The following AFDN variants were observed in gnomAD, a reference collection of about 807,000 sequenced individuals.
The protein encoded by AFDN is afadin, adherens junction formation factor, also known as afadin.
A neutral mutation model predicts 216.6 loss-of-function variants in AFDN; 68 were observed. That is an observed-to-expected ratio of 0.31 (90% confidence interval 0.26 to 0.38). The LOEUF (loss-of-function observed/expected upper bound fraction) is 0.38. AFDN is among the 10% of genes least tolerant of loss of function. The pLI, the probability that AFDN is intolerant of heterozygous loss-of-function variation, is 1.00. For synonymous variants in AFDN, 868 were observed against 853.7 expected (o/e 1.02, Z -0.29); for missense variants, 2,136 against 2,342.0 (o/e 0.91, Z 1.82).
chr6:167,964,614 C>CTGTGTGTGTGTGTGTGTGTG (rs369928994), intron 31 of AFDN: 1 of 882,842 alleles, frequency 1.1e-6, no homozygotes, highest in Non-Finnish European at 1.4e-6. Flanking sequence ...CGTATTCACT[C>CTGTGTGTGTGTGTGTGTGTG]TGTGTGTGTG....
In AFDN at chr6:167,948,388, T is replaced by G. The variant is rs1234093454; in HGVS notation, c.3741T>G (p.Asp1247Glu). The G allele has an allele frequency of 6.2e-7, 1 of 1,614,070 alleles. No homozygotes were observed. The highest frequency in any genetic ancestry group is 1.1e-5 in the South Asian group (1 of 91,056). ...YFTFPASKSQ[D>E]RMAPPQNQWP... is the part of the protein sequence containing the mutation. ...CCTTCCCAGCTTCCAAATCCCAGGA[T>G]CGGATGGCTCCTCCTCAGAACCAGT... Residue 1247 changes from aspartate to glutamate, a missense_variant, in exon 29 of 34, where the codon GAT becomes GAG. By Grantham distance (45) the Asp-to-Glu change is conservative (BLOSUM62 2). Around this residue, in one of 8 missense-constraint regions of AFDN, gnomAD observed 981 missense variants for 966.0 expected, o/e 1.02. Coordinates refer to ENST00000683244, the MANE Select transcript of AFDN (RefSeq NM_001386888.1).
chr6:167,918,041 T>C lies in AFDN; in HGVS notation c.2710-694T>C, dbSNP rs1283185633. ...AAGCCTGAAAACCATGTCATTCTTT[T>C]TGAAGGAGAAGGAGGGGACAGTGAT... On this transcript the variant is annotated intron_variant, in intron 20 of 33. Transcript: ENST00000683244. 2.0e-5 allele frequency among the ~76,000 whole-genome samples: 3 copies of C among 152,154 alleles called. No homozygotes were observed. In the East Asian group the frequency reaches 5.8e-4, roughly 29 times the overall value.
At position 167,962,760 on chromosome 6, in the gene AFDN, C is replaced by T; in HGVS notation, c.4968+193C>T. ...CCCACCTACCTCTCTTCTGGACTGT[C>T]TCCAGATCCCCTTATCTGCCAAGTT... On this transcript the variant is annotated intron_variant, in intron 31 of 33. Coordinates refer to ENST00000683244, the MANE Select transcript of AFDN (RefSeq NM_001386888.1). This position sits in a 1 kb window ranked among gnomAD's most constrained non-coding sequence, Gnocchi z 5.2. The T allele has an allele frequency of 1.4e-6, 2 of 1,430,584 alleles. No homozygotes were observed. Among genetic ancestry groups the T allele is most frequent in the Admixed American group, 5.5e-5 (2 of 36,274 alleles). The allele number at this position is 1,430,584 out of a possible 1,614,324, so 88.6% of individuals were successfully genotyped here.
chr6:167,899,527 C>G (rs1182265540), intron 11 of AFDN, among the ~76,000 whole-genome samples: 1 of 152,190 alleles, frequency 6.6e-6, no homozygotes, highest in Non-Finnish European at 1.5e-5. Flanking sequence ...GTCCCTATTT[C>G]CTGTCCCTTG....
At chr6:167,895,725 G>A (rs575194469) in intron 9 of AFDN, among the ~76,000 whole-genome samples, 6 of 152,252 alleles carry the variant, frequency 3.9e-5, no homozygotes, top group Admixed American at 3.3e-4. Flanking sequence ...CTCTGTGCAC[G>A]CTCATACTCC....
At chr6:167,851,874 A>G (rs1026683388) in intron 1 of AFDN, among the ~76,000 whole-genome samples, 1 of 152,154 alleles carries the variant, frequency 6.6e-6, no homozygotes, top group African/African-American at 2.4e-5. Flanking sequence ...TTTGTAGCGC[A>G]TTTTTAAAAA....
Position 167,951,373 on chromosome 6 carries a change from C to G in AFDN, c.4019C>G (p.Ser1340Cys). Residue 1340 changes from serine (S) to cysteine (C), a missense_variant, in exon 30 of 34, where the codon TCC (serine) becomes TGC (cysteine). Around this residue, in one of 8 missense-constraint regions of AFDN, gnomAD observed 981 missense variants for 966.0 expected, o/e 1.02. Coordinates refer to ENST00000683244, the MANE Select transcript of AFDN (RefSeq NM_001386888.1). The surrounding 1 kb of genome is among the most constrained non-coding windows in gnomAD (Gnocchi z 7.1). ...TCCTCTAAGTCGGTCACCCCTGCTT[C>G]CACACTGACCAAAAGTGGCCCTGGC... ...NHSSKSVTPA[S>C]TLTKSGPGRW... 6.2e-7 allele frequency: 1 copy of G among 1,614,208 alleles called. No individual in the cohort carries two copies. Among genetic ancestry groups the G allele is most frequent in the Non-Finnish European group, 8.5e-7 (1 of 1,180,044 alleles).
At chr6:167,905,996 A>G (rs1373160190) in intron 12 of AFDN, among the ~76,000 whole-genome samples, 1 of 152,104 alleles carries the variant, frequency 6.6e-6, no homozygotes, top group African/African-American at 2.4e-5. Context: ...CCCCCTACTC[A>G]GGAGGCTAAG....
intron 23 of AFDN, among the ~76,000 whole-genome samples, chr6:167,926,505 C>A (rs1211074360): frequency 6.6e-6 from 1 of 152,226 alleles, no homozygotes; most frequent in Non-Finnish European, 1.5e-5. Flanking sequence ...TGCAGTGGCA[C>A]AATCACAGCT....
At chr6:167,902,178 G>C (rs2128407990) in intron 11 of AFDN, 139 bp from the exon 12 acceptor site, 1 of 550,364 alleles carries the variant, frequency 1.8e-6, no homozygotes, top group Middle Eastern at 4.3e-4. Context: ...AATTCTGTAA[G>C]TTCGTGTGCT....
chr6:167,833,253 A>T (rs1780025044), intron 1 of AFDN, among the ~76,000 whole-genome samples: 1 of 152,262 alleles, frequency 6.6e-6, no homozygotes, highest in Non-Finnish European at 1.5e-5. Flanking sequence ...GACTATAGTA[A>T]CAACAGCAGG....
At chr6:167,919,064 T>G in intron 21 of AFDN, 131 bp downstream of exon 21, 1 of 733,774 alleles carries the variant, frequency 1.4e-6, no homozygotes, top group Non-Finnish European at 2.3e-6. Context: ...AAGTCCGTGT[T>G]CCACTGACTT....
intron 8 of AFDN, among the ~76,000 whole-genome samples, chr6:167,892,022 C>T (rs1439036916): frequency 6.6e-6 from 1 of 152,104 alleles, no homozygotes; most frequent in Non-Finnish European, 1.5e-5. Context: ...TTTCTTACAG[C>T]TAGGTTATTG....
At position 167,947,861 on chromosome 6, in the gene AFDN, C is replaced by T. The variant is rs945273799; in HGVS notation, c.3562C>T (p.Pro1188Ser). 5.0e-6 allele frequency: 8 copies of T among 1,612,342 alleles called. No homozygotes were observed. In the African/African-American group the frequency reaches 1.1e-4, roughly 22 times the overall value. Residue 1188 changes from proline (P) to serine (S), a missense_variant, in exon 28 of 34, where the codon CCT becomes TCT. Physicochemically the swap from Pro to Ser is moderately conservative, Grantham distance 74. Transcript: ENST00000683244. The part of the protein sequence containing the change: ...RSSPNVANQP[P>S]SPGGKSAYAS... ...CCCCCTGACTTGAGCAGATCAGCCT[C>T]CTAGTCCTGGAGGGAAAAGTGCATA...
In AFDN at chr6:167,970,095, A is replaced by T. The variant is rs1043882692; in HGVS notation, c.*160A>T. 4.4e-5 allele frequency: 27 copies of T among 615,226 alleles called. No individual in the cohort carries two copies. The African/African-American group carries it at 5.1e-4, about 12-fold the overall frequency. The allele number at this position is 615,226 out of a possible 1,614,324, so 38.1% of individuals were successfully genotyped here. A position where few individuals can be genotyped will look rare whatever the true frequency, so the allele number is the denominator to read the frequency against. On this transcript the variant is annotated 3_prime_UTR_variant, in exon 34 of 34. Transcript: ENST00000683244. ...TGGGATTTAGAAATGTTTCAATTCCAAGAAATTTTATTTTACTTTACCATG... is the reference window on the plus strand; with the variant it reads ...TGGGATTTAGAAATGTTTCAATTCCTAGAAATTTTATTTTACTTTACCATG...
intron 21 of AFDN, among the ~76,000 whole-genome samples, chr6:167,920,379 C>T (rs889552355): frequency 1.3e-5 from 2 of 152,204 alleles, no homozygotes; most frequent in Non-Finnish European, 2.9e-5. Context: ...GAGGCAGCAG[C>T]ACAGCTTCCA....
At chr6:167,927,583 C>T (rs1792727362) in intron 23 of AFDN, among the ~76,000 whole-genome samples, 2 of 152,176 alleles carry the variant, frequency 1.3e-5, no homozygotes, top group South Asian at 4.1e-4. Flanking sequence ...AGGTGGGCAT[C>T]TGTTCAGGAG....
chr6:167,945,325 A>T (rs998968877), intron 26 of AFDN, among the ~76,000 whole-genome samples: 1 of 152,172 alleles, frequency 6.6e-6, no homozygotes, highest in African/African-American at 2.4e-5. Context: ...CATGCCATGG[A>T]GCCATCACCT....
upstream of AFDN, chr6:167,826,789 A>G (rs893839572): frequency 9.9e-6 from 3 of 304,568 alleles, no homozygotes; most frequent in Non-Finnish European, 2.0e-5. Context: ...AGCAGCACCT[A>G]GTGGAGCGGC....
Sources: gnomAD v4.1 joint callset for allele counts (sites outside exome capture counted in the v4.1 genomes callset) on GRCh38, gnomAD v4.1.1 for gene constraint, gnomAD v4.1.1 regional missense constraint, Gnocchi (gnomAD v3.1) non-coding constraint, MANE v1.5 for transcripts, NCBI Gene and HGNC (gene_info 2026-07-23, HGNC 2026-07-21) for gene names.